The following ASPRV1 variants were observed in gnomAD, a reference collection of about 807,000 sequenced individuals.
ASPRV1 encodes the protein retroviral-like aspartic protease 1.
A neutral mutation model predicts 11.0 loss-of-function variants in ASPRV1; 7 were observed. The ratio of observed to expected loss-of-function variants is 0.64; its 90% confidence interval spans 0.36 to 1.20. The LOEUF (loss-of-function observed/expected upper bound fraction) is 1.20, where lower values mean the gene tolerates loss of function less well. Ranked by LOEUF, ASPRV1 falls within the 50% of genes most tolerant of loss-of-function variation. ASPRV1 has a pLI of 0.02. For synonymous variants in ASPRV1, 136 were observed against 138.4 expected, an observed-to-expected ratio of 0.98 and a Z score of 0.12; for missense variants, 299 against 320.0, an observed-to-expected ratio of 0.93 and a Z score of 0.50.
upstream of ASPRV1, chr2:69,961,648 A>C: frequency 6.3e-7 from 1 of 1,577,926 alleles, no homozygotes; most frequent in Non-Finnish European, 8.6e-7. Flanking sequence ...TTCACTCTGC[A>C]GAGCCTTTTT....
At chr2:69,989,881 G>A in the ASPRV1 span, among the ~76,000 whole-genome samples, 2 of 152,266 alleles carry the variant, frequency 1.3e-5, no homozygotes, top group African/African-American at 4.8e-5. Context: ...ACAGGGTTCA[G>A]TAACTGCATG....
chr2:70,077,723 C>T, the ASPRV1 span, among the ~76,000 whole-genome samples: 7 of 151,814 alleles, frequency 4.6e-5, no homozygotes, highest in Non-Finnish European at 7.4e-5. Context: ...GGCATGGTGG[C>T]GTCCGCCTGC....
chr2:69,974,510 AGGAACT>A, the ASPRV1 span, among the ~76,000 whole-genome samples: 1 of 152,250 alleles, frequency 6.6e-6, no homozygotes, highest in Non-Finnish European at 1.5e-5. Context: ...ATCAGCTCAT[AGGAACT>A]GGTATGATCT....
At chr2:70,006,153 C>T in the ASPRV1 span, among the ~76,000 whole-genome samples, 24 of 152,150 alleles carry the variant, frequency 1.6e-4, no homozygotes, top group African/African-American at 5.3e-4. Flanking sequence ...CAAGTTGTGA[C>T]GACTAAAAAT....
At chr2:70,030,018 T>C in the ASPRV1 span, 1 of 152,206 alleles carries the variant, frequency 6.6e-6, no homozygotes, top group African/African-American at 2.4e-5. Context: ...CTATTTTTAA[T>C]ACCGAGCCAT....
At chr2:70,043,526 C>T in the ASPRV1 span, among the ~76,000 whole-genome samples, 5 of 152,210 alleles carry the variant, frequency 3.3e-5, no homozygotes, top group Non-Finnish European at 7.3e-5. Flanking sequence ...GGAACTGCAC[C>T]TTTGCATGGA....
the ASPRV1 span, among the ~76,000 whole-genome samples, chr2:69,995,890 T>C: frequency 6.6e-6 from 1 of 152,146 alleles, no homozygotes; most frequent in Non-Finnish European, 1.5e-5. Context: ...AGTAATCTTC[T>C]ACTTGATGCC....
At chr2:69,963,618 G>C, upstream of ASPRV1, 1 of 366,040 alleles carries the variant, frequency 2.7e-6, no homozygotes, top group Non-Finnish European at 5.4e-6. Flanking sequence ...TCAAACCATA[G>C]TGGTAGATGT....
chr2:70,086,227 T>TTTC, the ASPRV1 span: 2 of 152,018 alleles, frequency 1.3e-5, no homozygotes, highest in Admixed American at 1.3e-4. Flanking sequence ...CCGACCCCAA[T>TTTC]TTCTCGTTGG....
chr2:69,965,268 T>G (rs1269779310), upstream of ASPRV1, among the ~76,000 whole-genome samples: 1 of 152,008 alleles, frequency 6.6e-6, no homozygotes, highest in East Asian at 1.9e-4. Context: ...CTCCTGACCT[T>G]GTGATCCACC....
the ASPRV1 span, among the ~76,000 whole-genome samples, chr2:70,007,146 C>T: frequency 6.6e-6 from 1 of 152,298 alleles, no homozygotes; most frequent in Middle Eastern, 3.4e-3. Context: ...AATTTAAATG[C>T]CAATCATTGG....
At chr2:69,976,084 T>C in the ASPRV1 span, 233 of 152,002 alleles carry the variant, frequency 1.5e-3, no homozygotes, top group Non-Finnish European at 2.7e-3. Flanking sequence ...AACTCACAGC[T>C]TCAAAGGAAC....
chr2:70,056,894 C>G, the ASPRV1 span, among the ~76,000 whole-genome samples: 2 of 151,826 alleles, frequency 1.3e-5, no homozygotes, highest in Non-Finnish European at 2.9e-5. Flanking sequence ...GCCACCTCAC[C>G]CAGCTAATTT....
the ASPRV1 span, chr2:70,011,843 A>G: frequency 1.3e-5 from 2 of 152,644 alleles, no homozygotes; most frequent in Non-Finnish European, 2.9e-5. Context: ...ACCTGTAAAG[A>G]GTGAGGGGAA....
At chr2:69,965,815 C>T (rs532546909), upstream of ASPRV1, among the ~76,000 whole-genome samples, 1 of 152,324 alleles carries the variant, frequency 6.6e-6, no homozygotes, top group Admixed American at 6.5e-5. Context: ...TGGTCCCTGC[C>T]AAACCTCCTC....
chr2:70,081,055 C>G, the ASPRV1 span: 1 of 152,220 alleles, frequency 6.6e-6, no homozygotes, highest in Non-Finnish European at 1.5e-5. Context: ...CAGGTGTGAG[C>G]CACCACACCC....
At chr2:69,992,287 T>A in the ASPRV1 span, among the ~76,000 whole-genome samples, 2 of 152,232 alleles carry the variant, frequency 1.3e-5, no homozygotes. Context: ...TCCATCCTCT[T>A]GCTCCAAACA....
the ASPRV1 span, among the ~76,000 whole-genome samples, chr2:70,033,314 C>CACACACAT: frequency 6.8e-6 from 1 of 147,936 alleles, no homozygotes. Flanking sequence ...CACACACACA[C>CACACACAT]ATATATGCAC....
chr2:70,086,311 G>A, the ASPRV1 span: 1 of 152,250 alleles, frequency 6.6e-6, no homozygotes, highest in Non-Finnish European at 1.5e-5. Flanking sequence ...AAGGAACAGG[G>A]GAGGCGGAGT....
Sources: gnomAD v4.1 joint callset for allele counts (sites outside exome capture counted in the v4.1 genomes callset) on GRCh38, gnomAD v4.1.1 for gene constraint, MANE v1.5 for transcripts, NCBI Gene and HGNC (gene_info 2026-07-23, HGNC 2026-07-21) for gene names.